RDX: variants seen among roughly 807,000 people sequenced by gnomAD.
The protein encoded by RDX is deafness, autosomal recessive 24.
Under a neutral mutation model 83.7 loss-of-function variants are expected in RDX, and 32 were observed. The observed-to-expected ratio is 0.38, with a 90% CI of 0.29 to 0.51. The LOEUF (loss-of-function observed/expected upper bound fraction) is 0.51. Ranked by LOEUF, RDX falls within the 20% of genes least tolerant of loss-of-function variation. The pLI, the probability that RDX is intolerant of heterozygous loss-of-function variation, is 0.87. For missense variants in RDX, 600 were observed against 689.9 expected, an observed-to-expected ratio of 0.87 and a Z score of 1.46; for synonymous variants, 229 against 222.7, an observed-to-expected ratio of 1.03 and a Z score of -0.25.
chr11:110,242,868 T>G lies in RDX; in HGVS notation c.1090+4835A>C, dbSNP rs539816680. ...ATGGAGCAAACCCAATCCAATGCTT[T>G]TTTTTTTTTTTGGTAAATTAAGTTT... On this transcript the variant is annotated intron_variant, in intron 10 of 13. Coordinates refer to ENST00000645495, the MANE Select transcript of RDX (RefSeq NM_002906.4). Among the ~76,000 whole-genome samples the G allele has an allele frequency of 9.4e-3, 1,431 of 151,550 alleles. 13 individuals are homozygous for G. The highest frequency in any genetic ancestry group is 0.024 in the Middle Eastern group (7 of 292).
chr11:110,254,539 C>A (rs1859466492), intron 8 of RDX, among the ~76,000 whole-genome samples: 1 of 151,416 alleles, frequency 6.6e-6, no homozygotes, highest in South Asian at 2.1e-4. Context: ...GCAGTGGTGC[C>A]ATCTCAGTGC....
chr11:110,207,453 T>G (rs947134771), intron 14 of RDX, among the ~76,000 whole-genome samples: 4 of 151,972 alleles, frequency 2.6e-5, no homozygotes, highest in Non-Finnish European at 5.9e-5. Flanking sequence ...AAATAAGACC[T>G]CCCTAGGGTC....
chr11:110,209,489 A>T (rs549298004), intron 14 of RDX, among the ~76,000 whole-genome samples: 6 of 152,360 alleles, frequency 3.9e-5, no homozygotes, highest in African/African-American at 1.4e-4. Context: ...AGCCCACCAC[A>T]GCTCAAGGAG....
chr11:110,193,496 C>T (rs1285309740), intron 15 of RDX, among the ~76,000 whole-genome samples: 1 of 150,024 alleles, frequency 6.7e-6, no homozygotes, highest in Non-Finnish European at 1.5e-5. Flanking sequence ...AACAAACCTA[C>T]ACATGTACAC....
chr11:110,194,628 A>C (rs1197331850), intron 15 of RDX, among the ~76,000 whole-genome samples: 1 of 152,238 alleles, frequency 6.6e-6, no homozygotes, highest in East Asian at 1.9e-4. Flanking sequence ...TAATTTGATA[A>C]GAAACCACAA....
chr11:110,209,754 C>T (rs1240070869), intron 14 of RDX, among the ~76,000 whole-genome samples: 1 of 145,388 alleles, frequency 6.9e-6, no homozygotes, highest in African/African-American at 2.5e-5. Flanking sequence ...GCAGGGTACT[C>T]CAACAGACCT....
chr11:110,213,184 A>C (rs548705166), intron 14 of RDX, among the ~76,000 whole-genome samples: 1 of 151,912 alleles, frequency 6.6e-6, no homozygotes, highest in Non-Finnish European at 1.5e-5. Context: ...AAGCATTCTT[A>C]TACACCAACA....
chr11:110,244,726 T>C (rs370695672), intron 10 of RDX, among the ~76,000 whole-genome samples: 1 of 152,196 alleles, frequency 6.6e-6, no homozygotes, highest in East Asian at 1.9e-4. Context: ...GTGTAAATTA[T>C]AAGCTATATC....
chr11:110,258,262 A>G, intron 5 of RDX, 73 bp from the exon 6 acceptor site: 1 of 992,474 alleles, frequency 1.0e-6, no homozygotes, highest in South Asian at 1.5e-5. Context: ...AAAGTAAAGA[A>G]TCCTTTCAGT....
chr11:110,274,887 G>A lies in RDX; in HGVS notation c.13-2268C>T, dbSNP rs1014113330. ...GAACAATACTGCTATGAACATTCTCGTACATGTCTCCGAGTGTCAGAATTT... is the reference window on the plus strand; with the variant it reads ...GAACAATACTGCTATGAACATTCTCATACATGTCTCCGAGTGTCAGAATTT... On this transcript the variant is annotated intron_variant, in intron 2 of 13. Transcript: ENST00000645495. 2.6e-5 allele frequency among the ~76,000 whole-genome samples: 4 copies of A among 152,224 alleles called. No homozygotes were observed. The South Asian group carries it at 8.3e-4, about 32-fold the overall frequency.
downstream of RDX, among the ~76,000 whole-genome samples, chr11:110,224,526 A>G (rs1864369002): frequency 6.6e-6 from 1 of 152,186 alleles, no homozygotes; most frequent in Non-Finnish European, 1.5e-5. Flanking sequence ...TATAAAAGCT[A>G]GAGTACGAGA....
downstream of RDX, among the ~76,000 whole-genome samples, chr11:110,228,241 T>G (rs184151756): frequency 7.2e-5 from 11 of 152,136 alleles, no homozygotes; most frequent in South Asian, 2.1e-4. Context: ...CCGTAGACTG[T>G]GGGGGGTCAG....
rs778393459 is a variant in RDX, at chr11:110,237,474, A to T, written c.1251+18T>A. The T allele has an allele frequency of 1.2e-6, 2 of 1,610,794 alleles. No individual in the cohort carries two copies. The highest frequency in any genetic ancestry group is 4.5e-5 in the East Asian group (2 of 44,840). On this transcript the variant is annotated intron_variant, in intron 11 of 13. Transcript: ENST00000645495. ...TGCTTTTATTTAAACTTTTTTCTCT[A>T]AGAAGACAGTTCCTTACTAGCTGCT...
intron 15 of RDX, among the ~76,000 whole-genome samples, chr11:110,178,762 A>G (rs1862825713): frequency 6.6e-6 from 1 of 152,212 alleles, no homozygotes; most frequent in Non-Finnish European, 1.5e-5. Flanking sequence ...CACTGAGGCC[A>G]GGTTGCAGAG....
At chr11:110,293,674 T>C (rs1414822332) in intron 1 of RDX, among the ~76,000 whole-genome samples, 3 of 152,138 alleles carry the variant, frequency 2.0e-5, no homozygotes, top group African/African-American at 7.2e-5. Flanking sequence ...ACCCCAGGGG[T>C]AGTATCAGTT....
chr11:110,255,249 TTA>T (rs2134357434), intron 8 of RDX, 38 bp downstream of exon 8: 1 of 1,047,486 alleles, frequency 9.5e-7, no homozygotes, highest in East Asian at 2.4e-5. Flanking sequence ...CTAGCAGATA[TTA>T]AACAGTTAAT....
intron 9 of RDX, among the ~76,000 whole-genome samples, chr11:110,248,689 T>C (rs1859211067): frequency 6.6e-6 from 1 of 152,158 alleles, no homozygotes; most frequent in African/African-American, 2.4e-5. Context: ...AACCACACAG[T>C]TGCCATGCCC....
At chr11:110,175,600 C>G (rs1862758000) in intron 15 of RDX, among the ~76,000 whole-genome samples, 1 of 152,214 alleles carries the variant, frequency 6.6e-6, no homozygotes, top group Non-Finnish European at 1.5e-5. Flanking sequence ...ACAGAGGGTC[C>G]CCCTTCAGCC....
chr11:110,250,166 G>A (rs1024638273), intron 9 of RDX, among the ~76,000 whole-genome samples: 9 of 152,154 alleles, frequency 5.9e-5, no homozygotes, highest in South Asian at 2.1e-4. Flanking sequence ...CAATCTCTCC[G>A]GGCAAAAGAA....
Sources: allele counts gnomAD v4.1 joint callset (sites outside exome capture counted in the v4.1 genomes callset), GRCh38; gene constraint gnomAD v4.1.1; transcripts MANE v1.5; gene names NCBI Gene and HGNC (gene_info 2026-07-23, HGNC 2026-07-21).